RIPK3: variants seen among roughly 807,000 people sequenced by gnomAD.
RIPK3 encodes the protein receptor interacting serine/threonine kinase 3, also known as receptor-interacting serine/threonine-protein kinase 3.
A neutral mutation model predicts 51.6 loss-of-function variants in RIPK3; 51 were observed. The observed-to-expected ratio is 0.99, with a 90% CI of 0.79 to 1.25. RIPK3 has a LOEUF of 1.25. RIPK3 is among the 50% of genes most tolerant of loss of function. RIPK3 has a pLI of 0.00. For synonymous variants in RIPK3, 246 were observed against 257.7 expected (o/e 0.95, Z 0.44); for missense variants, 654 against 650.4 (o/e 1.01, Z -0.06).
Position 24,339,412 on chromosome 14 carries a change from AC to A in RIPK3, c.161+44del. The A allele has an allele frequency of 1.2e-6, 2 of 1,613,754 alleles. No individual in the cohort carries two copies. Among genetic ancestry groups the A allele is most frequent in the Non-Finnish European group, 8.5e-7 (1 of 1,179,750 alleles). The stretch of plus-strand genomic sequence containing the variant: ...TCAGGCCCCAGAGCACAGTGGCTCC[AC>A]CTTTTTGGCCAGATTGCGGCTGGGG... On this transcript the variant is annotated intron_variant, in intron 2 of 9. Transcript: ENST00000216274. This position sits in a 1 kb window ranked among gnomAD's most constrained non-coding sequence, Gnocchi z 4.0.
rs1190713880 is a variant in RIPK3, at chr14:24,339,174, C to T, written c.312G>A (p.Gly104=). ...GCCGAGGGCACTGGGACTGCAGCAG[C>T]CCCGACAAGGAGCCGTTCTCCATGA... ...TKFMENGSLS[G]LLQSQCPRPW... The change falls in exon 3 of 10, where the codon GGG becomes GGA. Residue 104 remains glycine, a synonymous_variant. Coordinates refer to ENST00000216274, the MANE Select transcript of RIPK3 (RefSeq NM_006871.4). The surrounding 1 kb of genome is among the most constrained non-coding windows in gnomAD (Gnocchi z 4.0). 3 of 1,614,244 alleles carry T rather than the reference C, an allele frequency of 1.9e-6. No individual in the cohort carries two copies. In the South Asian group the frequency reaches 3.3e-5, roughly 18 times the overall value.
rs2042167220 is a variant in RIPK3 at position 24,339,384 on chromosome 14, C to T, written c.162-60G>A. On this transcript the variant is annotated intron_variant, in intron 2 of 9. Coordinates refer to ENST00000216274, the MANE Select transcript of RIPK3 (RefSeq NM_006871.4). The surrounding 1 kb of genome is among the most constrained non-coding windows in gnomAD (Gnocchi z 4.0). ...GTCGTGGGAAAATCCCTCCCTTCGC[C>T]ATTCAGGCCCCAGAGCACAGTGGCT... 2.5e-6 allele frequency: 4 copies of T among 1,609,776 alleles called. No individual in the cohort carries two copies. The highest frequency in any genetic ancestry group is 1.7e-5 in the Admixed American group (1 of 59,890).
rs1024144095 is a variant in RIPK3, at chr14:24,339,970, T to A, written c.-144A>T. 27 of 833,768 alleles carry A rather than the reference T, an allele frequency of 3.2e-5. No individual in the cohort carries two copies. The highest frequency in any genetic ancestry group is 3.0e-4 in the Admixed American group (9 of 29,582). 51.6% of individuals were successfully genotyped at this position (833,768 alleles called of 1,614,324 possible). ...CTAGACCAAGACGGTGAGTCTACTT[T>A]CCGGGTTGTTACCCTTTTTCCGAGT... On this transcript the variant is annotated 5_prime_UTR_variant, in exon 1 of 10. Transcript: ENST00000216274. The surrounding 1 kb of genome is among the most constrained non-coding windows in gnomAD (Gnocchi z 4.0).
chr14:24,339,624 C>G lies in RIPK3; in HGVS notation c.21-27G>C. ...TGAGAGAGGGGTGTCGCCCACTAGC[C>G]GGCCGTGCCGTGCCTCAGCGCTGCT... On this transcript the variant is annotated intron_variant, in intron 1 of 9. Transcript: ENST00000216274. This position sits in a 1 kb window ranked among gnomAD's most constrained non-coding sequence, Gnocchi z 4.0. 1 of 1,613,088 alleles carries G rather than the reference C, an allele frequency of 6.2e-7. No individual in the cohort carries two copies. Among genetic ancestry groups the G allele is most frequent in the Non-Finnish European group, 8.5e-7 (1 of 1,179,466 alleles).
At chr14:24,338,753 C>T in intron 3 of RIPK3, 186 bp from the exon 4 acceptor site, 1 of 855,450 alleles carries the variant, frequency 1.2e-6, no homozygotes, top group South Asian at 1.8e-5. Context: ...GTCTGAGTCT[C>T]CAGGGCTGGG....
In RIPK3 at chr14:24,339,734, C is replaced by A; in HGVS notation, c.20+73G>T. The A allele has an allele frequency of 6.4e-7, 1 of 1,569,376 alleles. No homozygotes were observed. Among genetic ancestry groups the A allele is most frequent in the Non-Finnish European group, 8.7e-7 (1 of 1,155,858 alleles). ...CACCGTCCCCGGACTCAAAGACGTT[C>A]TCTGAGCGAGTCTGTGGGGCTCTCT... is the stretch of plus-strand genomic sequence containing the variant. On this transcript the variant is annotated intron_variant, in intron 1 of 9. Coordinates refer to ENST00000216274, the MANE Select transcript of RIPK3 (RefSeq NM_006871.4). The surrounding 1 kb of genome is among the most constrained non-coding windows in gnomAD (Gnocchi z 4.0).
Position 24,338,054 on chromosome 14 carries a change from G to A in RIPK3, c.665-14C>T, listed in dbSNP as rs2042153201. The stretch of plus-strand genomic sequence containing the variant: ...GTTCGGTTGGCACTGGAGTAGGGGA[G>A]GAGGGTGAGAAGAGAAGGCATTCAG... On this transcript the variant is annotated splice_polypyrimidine_tract_variant and intron_variant, in intron 5 of 9. Transcript: ENST00000216274. The A allele has an allele frequency of 1.9e-6, 3 of 1,613,992 alleles. No homozygotes were observed. Among genetic ancestry groups the A allele is most frequent in the Non-Finnish European group, 2.5e-6 (3 of 1,180,012 alleles).
chr14:24,336,097 C>T lies in RIPK3; in HGVS notation c.*78G>A. 1 of 1,482,522 alleles carries T rather than the reference C, an allele frequency of 6.7e-7. No individual in the cohort carries two copies. The highest frequency in any genetic ancestry group is 1.3e-5 in the South Asian group (1 of 77,156). The allele number at this position is 1,482,522 out of a possible 1,614,324, so 91.8% of individuals were successfully genotyped here. On this transcript the variant is annotated 3_prime_UTR_variant, in exon 10 of 10. Transcript: ENST00000216274. ...CAGTTTGTGGGCAGGCCAGACTGCC[C>T]TAGAAGGAAGTCAGGGGCCTCAAGG... is the stretch of plus-strand genomic sequence containing the variant.
Position 24,339,336 on chromosome 14 carries a change from G to A in RIPK3, c.162-12C>T, listed in dbSNP as rs1416779609. The A allele has an allele frequency of 1.9e-6, 3 of 1,609,126 alleles. No individual in the cohort carries two copies. The highest frequency in any genetic ancestry group is 2.6e-6 in the Non-Finnish European group (3 of 1,176,310). ...TGGATATCGCCTTCCTACACTCCAGGAGAGAGCTGGAGTCGCACCGGGGTC... is the reference window on the plus strand; with the variant it reads ...TGGATATCGCCTTCCTACACTCCAGAAGAGAGCTGGAGTCGCACCGGGGTC... On this transcript the variant is annotated splice_polypyrimidine_tract_variant and intron_variant, in intron 2 of 9. Coordinates refer to ENST00000216274, the MANE Select transcript of RIPK3 (RefSeq NM_006871.4). The surrounding 1 kb of genome is among the most constrained non-coding windows in gnomAD (Gnocchi z 4.0).
Position 24,339,441 on chromosome 14 carries a change from A to G in RIPK3, c.161+16T>C, listed in dbSNP as rs374950692. ...TTTTGGCCAGATTGCGGCTGGGGTC[A>G]ACCGGGGTCACTCACGAGTTTACGA... On this transcript the variant is annotated intron_variant, in intron 2 of 9. Coordinates refer to ENST00000216274, the MANE Select transcript of RIPK3 (RefSeq NM_006871.4). This position sits in a 1 kb window ranked among gnomAD's most constrained non-coding sequence, Gnocchi z 4.0. The G allele has an allele frequency of 6.2e-7, 1 of 1,614,150 alleles. No homozygotes were observed. Among genetic ancestry groups the G allele is most frequent in the Non-Finnish European group, 8.5e-7 (1 of 1,180,022 alleles).
At chr14:24,338,958 G>A (rs753370728) in intron 3 of RIPK3, 57 bp downstream of exon 3, 7 of 1,423,680 alleles carry the variant, frequency 4.9e-6, no homozygotes, top group Non-Finnish European at 6.0e-6. Flanking sequence ...CGGCGGGCCT[G>A]GCTGGAGCAG....
Position 24,337,996 on chromosome 14 carries a change from G to T in RIPK3, c.709C>A (p.Gln237Lys). ...AGCTCAGCCAATGAAGGCCGGTTCT[G>T]CCTGTTGCACACTGCTTCGTACACG... Reference protein sequence around the residue: ...SLVYEAVCNRQNRPSLAELPQ... With the variant: ...SLVYEAVCNRKNRPSLAELPQ... Residue 237 changes from glutamine (Q) to lysine (K), a missense_variant, in exon 6 of 10, where the codon CAG (glutamine) becomes AAG (lysine). Transcript: ENST00000216274. The T allele has an allele frequency of 6.2e-7, 1 of 1,614,224 alleles. No homozygotes were observed. Among genetic ancestry groups the T allele is most frequent in the Non-Finnish European group, 8.5e-7 (1 of 1,180,042 alleles).
rs2042166201 is a variant in RIPK3, at chr14:24,339,293, C to G, written c.193G>C (p.Ala65Pro). Reference sequence around the variant, plus strand: ...AGCACGAATTCGTTATCCAGACTTGCCATGGCCTTGACCTCCCTGGATATC... The same window carrying G: ...AGCACGAATTCGTTATCCAGACTTGGCATGGCCTTGACCTCCCTGGATATC... Reference protein sequence around the residue: ...KAISREVKAMASLDNEFVLRL... With the variant: ...KAISREVKAMPSLDNEFVLRL... Residue 65 changes from alanine to proline, a missense_variant, in exon 3 of 10, where the codon GCA becomes CCA. Physicochemically the swap from Ala to Pro is conservative, Grantham distance 27. Transcript: ENST00000216274. The surrounding 1 kb of genome is among the most constrained non-coding windows in gnomAD (Gnocchi z 4.0). The G allele has an allele frequency of 4.3e-6, 7 of 1,613,142 alleles. No individual in the cohort carries two copies. The highest frequency in any genetic ancestry group is 5.9e-6 in the Non-Finnish European group (7 of 1,179,350).
intron 6 of RIPK3, 53 bp downstream of exon 6, chr14:24,337,820 C>T (rs1328345068): frequency 6.2e-7 from 1 of 1,612,862 alleles, no homozygotes; most frequent in African/African-American, 1.3e-5. Context: ...TGAGAAAAGC[C>T]CCCTGCTGAC....
intron 9 of RIPK3, 49 bp from the exon 10 acceptor site, chr14:24,336,444 G>C: frequency 1.3e-6 from 2 of 1,588,310 alleles, no homozygotes; most frequent in Non-Finnish European, 1.7e-6. Context: ...TGTCAGAAAG[G>C]CCAAGTTGGG....
In RIPK3 at chr14:24,339,924, T is replaced by TGCCTGTGCAGGGGTCA. The variant is rs1236461222; in HGVS notation, c.-99_-98insTGACCCCTGCACAGGC. 2.2e-6 allele frequency: 3 copies of TGCCTGTGCAGGGGTCA among 1,341,244 alleles called. No homozygotes were observed. In the African/African-American group the frequency reaches 4.4e-5, roughly 20 times the overall value. The allele number at this position is 1,341,244 out of a possible 1,614,324, so 83.1% of individuals were successfully genotyped here. A position where few individuals can be genotyped will look rare whatever the true frequency, so the allele number is the denominator to read the frequency against. ...CCTTTCGCAGAGAGGGGAAGGGGTC[T>TGCCTGTGCAGGGGTCA]GTCTGTGCAGGGGTCAGTCTCTAGA... On this transcript the variant is annotated 5_prime_UTR_variant, in exon 1 of 10. Transcript: ENST00000216274. This position sits in a 1 kb window ranked among gnomAD's most constrained non-coding sequence, Gnocchi z 4.0.
Position 24,339,599 on chromosome 14 carries a change from TGA to T in RIPK3, c.21-4_21-3del. 6.2e-7 allele frequency: 1 copy of T among 1,613,986 alleles called. No homozygotes were observed. Among genetic ancestry groups the T allele is most frequent in the South Asian group, 1.1e-5 (1 of 91,078 alleles). Reference sequence around the variant, plus strand: ...AAGGGGGCGGGGGCACCGCTGGGCCTGAGAGAGGGGTGTCGCCCACTAGCCGG... The same window carrying T: ...AAGGGGGCGGGGGCACCGCTGGGCCTGAGAGGGGTGTCGCCCACTAGCCGG... On this transcript the variant is annotated splice_polypyrimidine_tract_variant and splice_region_variant and intron_variant, in intron 1 of 9. Coordinates refer to ENST00000216274, the MANE Select transcript of RIPK3 (RefSeq NM_006871.4). The surrounding 1 kb of genome is among the most constrained non-coding windows in gnomAD (Gnocchi z 4.0).
chr14:24,336,039 G>T lies in RIPK3; in HGVS notation c.*136C>A. The T allele has an allele frequency of 1.2e-6, 1 of 856,866 alleles. No individual in the cohort carries two copies. Among genetic ancestry groups the T allele is most frequent in the Non-Finnish European group, 1.8e-6 (1 of 569,030 alleles). 53.1% of individuals were successfully genotyped at this position (856,866 alleles called of 1,614,324 possible). A position where few individuals can be genotyped will look rare whatever the true frequency, so the allele number is the denominator to read the frequency against. ...CTCAGACTGACTAGCATTCCATCAT[G>T]TTTATTGACTCCTGGGGGACAGGTC... On this transcript the variant is annotated 3_prime_UTR_variant, in exon 10 of 10. Coordinates refer to ENST00000216274, the MANE Select transcript of RIPK3 (RefSeq NM_006871.4).
chr14:24,339,688 C>T lies in RIPK3; in HGVS notation c.21-91G>A. On this transcript the variant is annotated intron_variant, in intron 1 of 9. Coordinates refer to ENST00000216274, the MANE Select transcript of RIPK3 (RefSeq NM_006871.4). The surrounding 1 kb of genome is among the most constrained non-coding windows in gnomAD (Gnocchi z 4.0). ...TGACTCGGCGTTCTCACTGCAATCC[C>T]CAGCCTCCCTCGCCGGCCCCCACCG... The T allele has an allele frequency of 6.3e-7, 1 of 1,591,104 alleles. No individual in the cohort carries two copies. Among genetic ancestry groups the T allele is most frequent in the South Asian group, 1.1e-5 (1 of 88,844 alleles).
Sources: allele counts gnomAD v4.1 joint callset, GRCh38; gene constraint gnomAD v4.1.1; non-coding constraint Gnocchi (gnomAD v3.1); transcripts MANE v1.5; gene names NCBI Gene and HGNC (gene_info 2026-07-23, HGNC 2026-07-21).